TBC1D19: variants seen among roughly 807,000 people sequenced by gnomAD.
TBC1D19 encodes TBC1 domain family, member 19.
A neutral mutation model predicts 89.0 loss-of-function variants in TBC1D19; 60 were observed. The observed-to-expected ratio is 0.67, with a 90% confidence interval of 0.55 to 0.84. TBC1D19 has a LOEUF of 0.84. Among genes scored for constraint, TBC1D19 ranks in the 40% least tolerant of loss-of-function variants. TBC1D19 has a pLI of 0.00. For synonymous variants in TBC1D19, 189 were observed against 199.7 expected (o/e 0.95, Z 0.45); for missense variants, 500 against 610.8 (o/e 0.82, Z 1.91).
At chr4:26,845,026 A>G in the TBC1D19 span, among the ~76,000 whole-genome samples, 5 of 152,190 alleles carry the variant, frequency 3.3e-5, no homozygotes, top group Non-Finnish European at 7.3e-5. Flanking sequence ...CCATTTTCCT[A>G]TCATTAAAAT....
intron 4 of TBC1D19, among the ~76,000 whole-genome samples, chr4:26,627,145 T>G (rs1488441567): frequency 6.6e-6 from 1 of 151,708 alleles, no homozygotes; most frequent in East Asian, 1.9e-4. Flanking sequence ...CGGTGTTTGG[T>G]TTTTTGTCCT....
At chr4:26,645,512 G>C (rs539275353) in intron 7 of TBC1D19, among the ~76,000 whole-genome samples, 1 of 152,012 alleles carries the variant, frequency 6.6e-6, no homozygotes, top group African/African-American at 2.4e-5. Flanking sequence ...ATTCAAGATT[G>C]ATTAAAGACT....
At chr4:26,854,706 T>C in the TBC1D19 span, among the ~76,000 whole-genome samples, 2 of 149,632 alleles carry the variant, frequency 1.3e-5, no homozygotes, top group African/African-American at 4.9e-5. Flanking sequence ...AATGCCTGGT[T>C]AATGCCTTGA....
the TBC1D19 span, among the ~76,000 whole-genome samples, chr4:26,807,721 T>C: frequency 6.6e-6 from 1 of 152,184 alleles, no homozygotes; most frequent in African/African-American, 2.4e-5. Flanking sequence ...TCTTGGCCTT[T>C]TAAGGTCACC....
the TBC1D19 span, among the ~76,000 whole-genome samples, chr4:26,779,961 G>A: frequency 3.2e-3 from 491 of 152,294 alleles, 3 homozygotes; most frequent in Non-Finnish European, 4.5e-3. Flanking sequence ...GTGGCAGAGT[G>A]GGAAATCTTG....
intron 8 of TBC1D19, among the ~76,000 whole-genome samples, chr4:26,663,729 A>G (rs897891307): frequency 6.6e-6 from 1 of 152,126 alleles, no homozygotes; most frequent in Non-Finnish European, 1.5e-5. Flanking sequence ...TGCCTTGCCT[A>G]TATCATGCAG....
At chr4:26,610,382 A>G (rs950302767) in intron 1 of TBC1D19, among the ~76,000 whole-genome samples, 2 of 149,854 alleles carry the variant, frequency 1.3e-5, no homozygotes, top group East Asian at 2.0e-4. Context: ...TTCTGATAAC[A>G]TGATATTTAT....
At chr4:26,654,000 A>G (rs1292728257) in intron 7 of TBC1D19, among the ~76,000 whole-genome samples, 1 of 152,156 alleles carries the variant, frequency 6.6e-6, no homozygotes, top group Non-Finnish European at 1.5e-5. Context: ...ACGTTTTTGC[A>G]GTGGCTGGTA....
At chr4:26,576,826 C>A in intron 1 of TBC1D19, 1 of 456,142 alleles carries the variant, frequency 2.2e-6, no homozygotes, top group South Asian at 1.5e-5. Flanking sequence ...CCAGGTATGA[C>A]CAGGTAAAGG....
chr4:26,801,080 C>T, the TBC1D19 span, among the ~76,000 whole-genome samples: 1 of 152,176 alleles, frequency 6.6e-6, no homozygotes, highest in African/African-American at 2.4e-5. Context: ...GAAGCCCTTG[C>T]CCATGCCTAT....
At chr4:26,736,381 C>G (rs1437496140) in intron 16 of TBC1D19, among the ~76,000 whole-genome samples, 1 of 136,672 alleles carries the variant, frequency 7.3e-6, no homozygotes, top group East Asian at 2.2e-4. Context: ...ACATCACACT[C>G]TGGGGACTGT....
At chr4:26,812,545 A>G in the TBC1D19 span, among the ~76,000 whole-genome samples, 1 of 152,144 alleles carries the variant, frequency 6.6e-6, no homozygotes, top group African/African-American at 2.4e-5. This position sits in a 1 kb window ranked among gnomAD's most constrained non-coding sequence, Gnocchi z 4.2. Flanking sequence ...ATAGCAGTCA[A>G]TGCCACACAG....
the TBC1D19 span, among the ~76,000 whole-genome samples, chr4:26,826,578 C>T: frequency 2.6e-5 from 4 of 152,300 alleles, no homozygotes; most frequent in Admixed American, 6.5e-5. Context: ...ATATACCTTT[C>T]AAAATTCTCT....
chr4:26,601,880 A>G (rs1461791910), intron 1 of TBC1D19, among the ~76,000 whole-genome samples: 1 of 152,130 alleles, frequency 6.6e-6, no homozygotes, highest in Non-Finnish European at 1.5e-5. Flanking sequence ...CTCAGCCTCT[A>G]TTGCTTTGCT....
At chr4:26,778,955 A>C in the TBC1D19 span, among the ~76,000 whole-genome samples, 1 of 152,336 alleles carries the variant, frequency 6.6e-6, no homozygotes, top group Non-Finnish European at 1.5e-5. Flanking sequence ...AATTAAATCA[A>C]ATCCGAATCT....
chr4:26,606,360 T>C (rs1234417184), intron 1 of TBC1D19, among the ~76,000 whole-genome samples: 2 of 152,142 alleles, frequency 1.3e-5, no homozygotes, highest in Non-Finnish European at 2.9e-5. Context: ...AGGAATATAT[T>C]GTGGACTTTA....
intron 18 of TBC1D19, 35 bp from the exon 19 acceptor site, chr4:26,748,376 G>T: frequency 6.7e-7 from 1 of 1,497,886 alleles, no homozygotes. Flanking sequence ...AAAAATTTCA[G>T]TGGTACATTA....
chr4:26,719,989 A>G (rs935297447), intron 14 of TBC1D19, 92 bp from the exon 15 acceptor site: 35 of 1,058,350 alleles, frequency 3.3e-5, no homozygotes, highest in Non-Finnish European at 4.6e-5. Flanking sequence ...TAGTTTTTAA[A>G]ATTCCGTTGT....
chr4:26,821,654 C>A, the TBC1D19 span, among the ~76,000 whole-genome samples: 1 of 152,232 alleles, frequency 6.6e-6, no homozygotes, highest in African/African-American at 2.4e-5. Flanking sequence ...GGTCTCCCTG[C>A]ACTTGCCTGC....
Sources: gnomAD v4.1 joint callset for allele counts (sites outside exome capture counted in the v4.1 genomes callset) on GRCh38, gnomAD v4.1.1 for gene constraint, Gnocchi (gnomAD v3.1) non-coding constraint, MANE v1.5 for transcripts, NCBI Gene and HGNC (gene_info 2026-07-23, HGNC 2026-07-21) for gene names.